XKR4: variants seen among roughly 807,000 people sequenced by gnomAD.
XKR4 encodes XK-related protein 4.
In XKR4, 12 loss-of-function variants were observed where a neutral mutation model predicts 53.9. That is an observed-to-expected ratio of 0.22 (90% CI 0.14 to 0.36). XKR4 has a LOEUF of 0.36. Among genes scored for constraint, XKR4 ranks in the 10% least tolerant of loss-of-function variants. XKR4 has a pLI of 1.00. For synonymous variants in XKR4, 354 were observed against 362.4 expected, an observed-to-expected ratio of 0.98 and a Z score of 0.26; for missense variants, 799 against 859.5, an observed-to-expected ratio of 0.93 and a Z score of 0.88.
At chr8:55,264,692 C>A (rs1276636412) in intron 1 of XKR4, among the ~76,000 whole-genome samples, 2 of 152,158 alleles carry the variant, frequency 1.3e-5, no homozygotes, top group African/African-American at 4.8e-5. Flanking sequence ...AAGGCAGAAA[C>A]CCTCACACAA....
chr8:55,413,418 G>T (rs1378583798), intron 2 of XKR4, among the ~76,000 whole-genome samples: 1 of 152,062 alleles, frequency 6.6e-6, no homozygotes, highest in African/African-American at 2.4e-5. Context: ...TGGAGACGGG[G>T]TTTCACCAGA....
At chr8:55,423,496 C>T (rs1804968109) in intron 2 of XKR4, among the ~76,000 whole-genome samples, 2 of 152,188 alleles carry the variant, frequency 1.3e-5, no homozygotes, top group Admixed American at 6.5e-5. Flanking sequence ...GAAGTGTGAG[C>T]CATCTTTCCT....
intron 1 of XKR4, among the ~76,000 whole-genome samples, chr8:55,278,812 A>T (rs1289340525): frequency 6.6e-6 from 1 of 152,228 alleles, no homozygotes. Flanking sequence ...CTACAACTGC[A>T]TATATAACAA....
At chr8:55,381,231 C>T (rs994089906) in intron 2 of XKR4, among the ~76,000 whole-genome samples, 3 of 152,160 alleles carry the variant, frequency 2.0e-5, no homozygotes, top group Non-Finnish European at 4.4e-5. Flanking sequence ...TTTTACCATT[C>T]TATTGTCGAT....
intron 2 of XKR4, among the ~76,000 whole-genome samples, chr8:55,498,783 A>C (rs1806394851): frequency 6.6e-6 from 1 of 151,988 alleles, no homozygotes; most frequent in South Asian, 2.1e-4. Context: ...AGACAGAGAC[A>C]GAGAGAGACA....
chr8:55,406,264 A>G (rs1434487459), intron 2 of XKR4, among the ~76,000 whole-genome samples: 1 of 152,214 alleles, frequency 6.6e-6, no homozygotes, highest in Non-Finnish European at 1.5e-5. Context: ...CCCTAGTTGC[A>G]TCTTTTCTTC....
At position 55,540,965 on chromosome 8, in the gene XKR4, T is replaced by C. The variant is rs1053309166; in HGVS notation, c.*16738T>C. ...ACCACTAATATTCTGATGTAATTAA[T>C]AACATCTAATAGAAAAATAGAAACA... is the stretch of plus-strand genomic sequence containing the variant. On this transcript the variant is annotated 3_prime_UTR_variant, in exon 3 of 3. Coordinates refer to ENST00000327381, the MANE Select transcript of XKR4 (RefSeq NM_052898.2). 1.3e-5 allele frequency: 2 copies of C among 152,216 alleles called. No homozygotes were observed. Among genetic ancestry groups the C allele is most frequent in the Non-Finnish European group, 2.9e-5 (2 of 68,034 alleles). 9.4% of individuals were successfully genotyped at this position (152,216 alleles called of 1,614,324 possible).
At chr8:55,161,657 T>C (rs762791635) in intron 1 of XKR4, 49 of 456,032 alleles carry the variant, frequency 1.1e-4, no homozygotes, top group Non-Finnish European at 1.6e-4. Context: ...AAGTGAATAC[T>C]TGGACGGTGT....
intron 2 of XKR4, chr8:55,451,962 G>A (rs1805455017): frequency 2.6e-6 from 2 of 771,516 alleles, no homozygotes; most frequent in Admixed American, 3.5e-5. Flanking sequence ...AGCTGAGTTG[G>A]GGTTGTACTT....
At chr8:55,405,243 C>T (rs1380144273) in intron 2 of XKR4, among the ~76,000 whole-genome samples, 1 of 152,126 alleles carries the variant, frequency 6.6e-6, no homozygotes, top group African/African-American at 2.4e-5. Flanking sequence ...AGCGAAGAAT[C>T]AGGCCTGGCA....
rs73606977 is a variant in XKR4 at position 55,318,735 on chromosome 8, G to A, written c.807-38943G>A. On this transcript the variant is annotated intron_variant, in intron 1 of 2. Coordinates refer to ENST00000327381, the MANE Select transcript of XKR4 (RefSeq NM_052898.2). ...ACAGTTCAAGTGGGAAAACATACAC[G>A]CAGAACATTAGAAACAAACATACCT... Among the ~76,000 whole-genome samples the A allele has an allele frequency of 4.8e-3, 738 of 152,184 alleles. 6 individuals carry two copies. The highest frequency in any genetic ancestry group is 0.016 in the African/African-American group (667 of 41,542).
At position 55,224,486 on chromosome 8, in the gene XKR4, A is replaced by T. The variant is rs1817926601; in HGVS notation, c.806+121192A>T. 2.0e-5 allele frequency among the ~76,000 whole-genome samples: 3 copies of T among 152,120 alleles called. No homozygotes were observed. In the South Asian group the frequency reaches 6.2e-4, roughly 31 times the overall value. ...TGTCATAAGACTTAGTTCACTCTCA[A>T]CTTTGTCACTTACTTTTAATTATTC... On this transcript the variant is annotated intron_variant, in intron 1 of 2. Coordinates refer to ENST00000327381, the MANE Select transcript of XKR4 (RefSeq NM_052898.2).
intron 1 of XKR4, among the ~76,000 whole-genome samples, chr8:55,237,595 C>A (rs560105629): frequency 6.6e-6 from 1 of 152,114 alleles, no homozygotes; most frequent in Non-Finnish European, 1.5e-5. Context: ...CCATGCAGTT[C>A]AAGCACATGT....
chr8:55,246,097 G>T (rs149001078), intron 1 of XKR4, among the ~76,000 whole-genome samples: 26 of 152,264 alleles, frequency 1.7e-4, no homozygotes, highest in African/African-American at 6.0e-4. Context: ...GTGAGACTCT[G>T]TCCTTCTCCC....
rs553274866 is a variant in XKR4, at chr8:55,529,184, G to T, written c.*4957G>T. On this transcript the variant is annotated 3_prime_UTR_variant, in exon 3 of 3. Coordinates refer to ENST00000327381, the MANE Select transcript of XKR4 (RefSeq NM_052898.2). Reference sequence around the variant, plus strand: ...AAGCAATTAGTCTAACATGCAAGCAGCCTGCTCTCACAGCAGAGAGCCACA... The same window carrying T: ...AAGCAATTAGTCTAACATGCAAGCATCCTGCTCTCACAGCAGAGAGCCACA... The T allele has an allele frequency of 1.3e-4, 19 of 151,852 alleles. No homozygotes were observed. Among genetic ancestry groups the T allele is most frequent in the African/African-American group, 4.4e-4 (18 of 41,354 alleles). The allele number at this position is 151,852 out of a possible 1,614,324, so 9.4% of individuals were successfully genotyped here. A position where few individuals can be genotyped will look rare whatever the true frequency, so the allele number is the denominator to read the frequency against.
At chr8:55,401,484 G>A (rs149344464) in intron 2 of XKR4, among the ~76,000 whole-genome samples, 1 of 152,256 alleles carries the variant, frequency 6.6e-6, no homozygotes, top group South Asian at 2.1e-4. Flanking sequence ...GGTGGCTAGT[G>A]GACCTGCTGG....
At chr8:55,244,302 G>A (rs1163556006) in intron 1 of XKR4, among the ~76,000 whole-genome samples, 6 of 152,144 alleles carry the variant, frequency 3.9e-5, no homozygotes, top group Non-Finnish European at 7.3e-5. Flanking sequence ...CCACTTATAA[G>A]CGAGAACATG....
chr8:55,269,041 T>A (rs1324781735), intron 1 of XKR4, among the ~76,000 whole-genome samples: 1 of 152,210 alleles, frequency 6.6e-6, no homozygotes, highest in African/African-American at 2.4e-5. Context: ...TGTTTCCTTT[T>A]AACTTGGTGA....
chr8:55,323,956 T>C (rs1803255148), intron 1 of XKR4, among the ~76,000 whole-genome samples: 1 of 151,856 alleles, frequency 6.6e-6, no homozygotes, highest in South Asian at 2.1e-4. Context: ...TTTTTATTCC[T>C]CTGCTTTCAT....
Sources: gnomAD v4.1 joint callset for allele counts (sites outside exome capture counted in the v4.1 genomes callset) on GRCh38, gnomAD v4.1.1 for gene constraint, MANE v1.5 for transcripts, NCBI Gene and HGNC (gene_info 2026-07-23, HGNC 2026-07-21) for gene names.